The following SLC41A2 variants were observed in gnomAD, a reference collection of about 807,000 sequenced individuals.
SLC41A2 encodes the protein SLC41A1-like 1.
SLC41A2 carries 32 observed loss-of-function variants against 58.3 expected under a neutral mutation model. The ratio of observed to expected loss-of-function variants is 0.55; its 90% confidence interval spans 0.41 to 0.74. SLC41A2 has a LOEUF of 0.74. Among genes scored for constraint, SLC41A2 ranks in the 30% least tolerant of loss-of-function variants. The pLI is 0.00. For missense variants in SLC41A2, 514 were observed against 680.6 expected (o/e 0.76, Z 2.72); for synonymous variants, 190 against 235.0 (o/e 0.81, Z 1.75).
chr12:104,853,105 GA>G (rs1216281769), intron 8 of SLC41A2, among the ~76,000 whole-genome samples: 1 of 152,172 alleles, frequency 6.6e-6, no homozygotes, highest in African/African-American at 2.4e-5. Flanking sequence ...CTCAGTTGAT[GA>G]AATAAAGTTT....
chr12:104,869,429 T>C (rs1405831944), intron 6 of SLC41A2, among the ~76,000 whole-genome samples: 5 of 151,992 alleles, frequency 3.3e-5, no homozygotes, highest in African/African-American at 1.2e-4. Flanking sequence ...ATAAAGCAAA[T>C]GGGGTAAAAT....
chr12:104,941,464 T>C (rs2047510989), intron 1 of SLC41A2, among the ~76,000 whole-genome samples: 1 of 152,214 alleles, frequency 6.6e-6, no homozygotes, highest in Admixed American at 6.5e-5. Flanking sequence ...CCACGGATTT[T>C]GTTCTCAGAA....
intron 1 of SLC41A2, among the ~76,000 whole-genome samples, chr12:104,946,812 A>T (rs929320937): frequency 1.3e-5 from 2 of 152,208 alleles, no homozygotes; most frequent in Admixed American, 6.5e-5. Context: ...GCTTCCAAAA[A>T]TTAACTGTCA....
chr12:104,888,686 A>G (rs1236134126), intron 5 of SLC41A2, among the ~76,000 whole-genome samples: 4 of 152,224 alleles, frequency 2.6e-5, no homozygotes, highest in South Asian at 2.1e-4. Flanking sequence ...CTTGTTACTC[A>G]AGTGACAAGC....
chr12:104,950,303 C>A (rs2047902993), intron 1 of SLC41A2, among the ~76,000 whole-genome samples: 1 of 152,114 alleles, frequency 6.6e-6, no homozygotes, highest in South Asian at 2.1e-4. Flanking sequence ...TGGATTCCCC[C>A]ACGCTGTTCT....
At chr12:104,937,101 C>T (rs1258888816) in intron 1 of SLC41A2, among the ~76,000 whole-genome samples, 1 of 152,164 alleles carries the variant, frequency 6.6e-6, no homozygotes, top group Non-Finnish European at 1.5e-5. Context: ...GAGCAAGACC[C>T]TGCCTCTAAA....
chr12:104,927,921 G>T, intron 2 of SLC41A2, 52 bp downstream of exon 2: 1 of 1,481,080 alleles, frequency 6.8e-7, no homozygotes, highest in South Asian at 1.4e-5. Flanking sequence ...ATTTTAAACA[G>T]AAATGGAATA....
At chr12:104,848,681 A>C (rs534881921) in intron 8 of SLC41A2, among the ~76,000 whole-genome samples, 1 of 152,268 alleles carries the variant, frequency 6.6e-6, no homozygotes, top group South Asian at 2.1e-4. Context: ...CAAAACATTT[A>C]ATGTATATCA....
At chr12:104,909,803 T>C in intron 2 of SLC41A2, 41 bp from the exon 3 acceptor site, 8 of 1,330,266 alleles carry the variant, frequency 6.0e-6, no homozygotes, top group Non-Finnish European at 8.4e-6. Flanking sequence ...TGGCACTCTT[T>C]AAAAAATACT....
chr12:104,900,076 C>T (rs942857843), intron 3 of SLC41A2, among the ~76,000 whole-genome samples: 2 of 152,156 alleles, frequency 1.3e-5, no homozygotes, highest in African/African-American at 4.8e-5. Context: ...CTGAACTCTG[C>T]TTTGAGCTAA....
At chr12:104,949,571 A>G (rs1278696361) in intron 1 of SLC41A2, among the ~76,000 whole-genome samples, 1 of 151,762 alleles carries the variant, frequency 6.6e-6, no homozygotes, top group Non-Finnish European at 1.5e-5. Flanking sequence ...GAATGAACAA[A>G]ATGATGGTGA....
chr12:104,881,320 G>A (rs1043077271), intron 6 of SLC41A2, among the ~76,000 whole-genome samples: 7 of 152,126 alleles, frequency 4.6e-5, no homozygotes, highest in African/African-American at 1.7e-4. Flanking sequence ...ATCTCCTTCA[G>A]TTCTGCTCTG....
At chr12:104,920,975 T>C (rs1162642112) in intron 2 of SLC41A2, among the ~76,000 whole-genome samples, 1 of 151,468 alleles carries the variant, frequency 6.6e-6, no homozygotes, top group Admixed American at 6.6e-5. Flanking sequence ...TAGCTGGGTA[T>C]GGTGTCACAT....
rs1170376633 is a variant in SLC41A2, at chr12:104,844,552, T to A, written c.1456A>T (p.Thr486Ser). Reference protein sequence around the residue: ...VIPGHLIFLYTIHLMKSGHTS... With the variant: ...VIPGHLIFLYSIHLMKSGHTS... ...TGACCACTTTTCATCAAATGAATAG[T>A]GTAGAGGAAAATTAAATGTCCAGGA... The change falls in exon 10 of 11, where the codon ACT becomes TCT. Residue 486 changes from threonine (T) to serine (S), a missense_variant. Transcript: ENST00000258538. 3 of 1,574,660 alleles carry A rather than the reference T, an allele frequency of 1.9e-6. No homozygotes were observed. Among genetic ancestry groups the A allele is most frequent in the African/African-American group, 2.7e-5 (2 of 73,536 alleles).
chr12:104,857,394 C>T (rs1194777482), intron 8 of SLC41A2, among the ~76,000 whole-genome samples: 1 of 152,174 alleles, frequency 6.6e-6, no homozygotes, highest in Admixed American at 6.5e-5. Flanking sequence ...AACATGTTTA[C>T]ACTGCTGGTG....
Position 104,869,486 on chromosome 12 carries a change from T to G in SLC41A2, c.1028-2907A>C, listed in dbSNP as rs116846934. On this transcript the variant is annotated intron_variant, in intron 6 of 10. Coordinates refer to ENST00000258538, the MANE Select transcript of SLC41A2 (RefSeq NM_001352171.3). Reference sequence around the variant, plus strand: ...ATAAAGAGTATGCAGGGGTTTTTTTTGTACTGTTTTGATTTTTGCAACTAT... The same window carrying G: ...ATAAAGAGTATGCAGGGGTTTTTTTGGTACTGTTTTGATTTTTGCAACTAT... Among the ~76,000 whole-genome samples, 768 of 152,304 alleles carry G rather than the reference T, an allele frequency of 5.0e-3. 7 individuals are homozygous for G. The highest frequency in any genetic ancestry group is 8.3e-3 in the Non-Finnish European group (562 of 68,012).
At chr12:104,921,504 A>G (rs2046593946) in intron 2 of SLC41A2, among the ~76,000 whole-genome samples, 1 of 124,856 alleles carries the variant, frequency 8.0e-6, no homozygotes, top group South Asian at 2.4e-4. Context: ...ATTTGAAAAG[A>G]AAAAAAAAAA....
At chr12:104,918,588 T>G (rs1301840082) in intron 2 of SLC41A2, among the ~76,000 whole-genome samples, 1 of 132,376 alleles carries the variant, frequency 7.6e-6, no homozygotes, top group Non-Finnish European at 1.6e-5. Flanking sequence ...TATATATTAA[T>G]GCAAATACAT....
At chr12:104,873,490 G>A (rs1248998693) in intron 6 of SLC41A2, among the ~76,000 whole-genome samples, 2 of 152,134 alleles carry the variant, frequency 1.3e-5, no homozygotes, top group Admixed American at 6.5e-5. Context: ...AATGGACATG[G>A]GAGTGCAAAT....
Sources: gnomAD v4.1 joint callset for allele counts (sites outside exome capture counted in the v4.1 genomes callset) on GRCh38, gnomAD v4.1.1 for gene constraint, MANE v1.5 for transcripts, NCBI Gene and HGNC (gene_info 2026-07-23, HGNC 2026-07-21) for gene names.